Variants in AHI1 observed in about 807,000 individuals in gnomAD.
AHI1 encodes the protein jouberin.
In AHI1, 123 loss-of-function variants were observed where a neutral mutation model predicts 149.3. The observed-to-expected ratio is 0.82, with a 90% CI of 0.71 to 0.96. AHI1 has a LOEUF of 0.96. Among genes scored for constraint, AHI1 ranks in the 40% least tolerant of loss-of-function variants. The pLI is 0.00. For missense variants in AHI1, 1,439 were observed against 1,422.7 expected (o/e 1.01, Z -0.18); for synonymous variants, 475 against 459.8 (o/e 1.03, Z -0.42).
chr6:135,467,010 G>C (rs1273032012), intron 6 of AHI1, among the ~76,000 whole-genome samples: 1 of 152,098 alleles, frequency 6.6e-6, no homozygotes, highest in African/African-American at 2.4e-5. Flanking sequence ...AGTAATACAA[G>C]GAAGAGGAGG....
chr6:135,438,487 G>A lies in AHI1; in HGVS notation c.1924C>T (p.Pro642Ser), dbSNP rs1257057591. The change falls in exon 15 of 29, where the codon CCT becomes TCT. Residue 642 changes from proline to serine, a missense_variant. Transcript: ENST00000265602. ...AATTCTCTCATGAAACGTCCAGAAGGAATTTCATATACTAATGAAAATATT... is the reference window on the plus strand; with the variant it reads ...AATTCTCTCATGAAACGTCCAGAAGAAATTTCATATACTAATGAAAATATT... ...DGYPIILYEI[P>S]SGRFMRELCG... 3 of 1,543,822 alleles carry A rather than the reference G, an allele frequency of 1.9e-6. No individual in the cohort carries two copies. The highest frequency in any genetic ancestry group is 1.8e-6 in the Non-Finnish European group (2 of 1,142,138).
intron 23 of AHI1, among the ~76,000 whole-genome samples, chr6:135,363,929 G>A (rs1794412598): frequency 6.8e-6 from 1 of 147,832 alleles, no homozygotes; most frequent in Non-Finnish European, 1.5e-5. Flanking sequence ...TGGGGCGGCT[G>A]GCCGGGCGGG....
intron 24 of AHI1, among the ~76,000 whole-genome samples, chr6:135,325,746 C>A (rs1261347132): frequency 6.6e-6 from 1 of 152,138 alleles, no homozygotes; most frequent in East Asian, 1.9e-4. Context: ...TGTTCCTTAT[C>A]CTGGGTGTGG....
intron 22 of AHI1, among the ~76,000 whole-genome samples, chr6:135,400,272 T>A (rs973925168): frequency 6.6e-6 from 1 of 152,206 alleles, no homozygotes; most frequent in South Asian, 2.1e-4. Flanking sequence ...ATTAAAAAAA[T>A]ATTTTCTCTG....
At chr6:135,391,650 C>T (rs1332473461) in intron 23 of AHI1, among the ~76,000 whole-genome samples, 1 of 152,148 alleles carries the variant, frequency 6.6e-6, no homozygotes, top group African/African-American at 2.4e-5. Context: ...ACATTCATCT[C>T]ACCTTTTCCA....
intron 20 of AHI1, among the ~76,000 whole-genome samples, chr6:135,421,197 C>G (rs547014571): frequency 2.4e-4 from 36 of 152,076 alleles, no homozygotes; most frequent in Admixed American, 3.9e-4. Flanking sequence ...CACCGCAGAT[C>G]ACCATAACAG....
chr6:135,476,217 T>TGG (rs1393189928), intron 5 of AHI1, among the ~76,000 whole-genome samples: 5 of 152,160 alleles, frequency 3.3e-5, no homozygotes, highest in Non-Finnish European at 7.4e-5. Flanking sequence ...TACATTGATC[T>TGG]GGGGTCTTAT....
chr6:135,346,368 T>C lies in AHI1; in HGVS notation c.3165+11764A>G, dbSNP rs145617026. Among the ~76,000 whole-genome samples, 365 of 151,938 alleles carry C rather than the reference T, an allele frequency of 2.4e-3. 4 individuals are homozygous for C. Among genetic ancestry groups the C allele is most frequent in the African/African-American group, 8.3e-3 (342 of 41,432 alleles). On this transcript the variant is annotated intron_variant, in intron 24 of 28. Coordinates refer to ENST00000265602, the MANE Select transcript of AHI1 (RefSeq NM_001134831.2). ...CGCCACCATGCCCGGCTAATTTTTT[T>C]TATTTTTATTTTTAGTAGAGACGGG...
chr6:135,352,902 C>T (rs1210223380), intron 24 of AHI1, among the ~76,000 whole-genome samples: 1 of 150,312 alleles, frequency 6.7e-6, no homozygotes, highest in Non-Finnish European at 1.5e-5. Context: ...ATATTGTATA[C>T]CTCATGTTTC....
At chr6:135,285,695 C>G (rs1781596044) in intron 28 of AHI1, 48 bp from the exon 29 acceptor site, 1 of 1,508,646 alleles carries the variant, frequency 6.6e-7, no homozygotes, top group African/African-American at 1.4e-5. Flanking sequence ...TGAATAATGT[C>G]TTCTGACTAC....
intron 23 of AHI1, among the ~76,000 whole-genome samples, chr6:135,373,920 T>G (rs1272852820): frequency 6.6e-6 from 1 of 151,914 alleles, no homozygotes; most frequent in African/African-American, 2.4e-5. Flanking sequence ...ATGATACCTA[T>G]GCATCCTATG....
chr6:135,340,215 CA>C (rs1159007286), intron 24 of AHI1, among the ~76,000 whole-genome samples: 1 of 151,812 alleles, frequency 6.6e-6, no homozygotes, highest in African/African-American at 2.4e-5. Context: ...ACTAAAAATA[CA>C]AAAAAATTAG....
chr6:135,358,247 A>C, intron 23 of AHI1, 60 bp from the exon 24 acceptor site: 1 of 1,394,134 alleles, frequency 7.2e-7, no homozygotes, highest in Non-Finnish European at 1.0e-6. Flanking sequence ...TATGTTGAAA[A>C]TATTCATGCC....
At chr6:135,323,006 T>C (rs1787106183) in intron 25 of AHI1, among the ~76,000 whole-genome samples, 156 bp downstream of exon 25, 1 of 152,210 alleles carries the variant, frequency 6.6e-6, no homozygotes, top group South Asian at 2.1e-4. Flanking sequence ...GTGCCTCCTC[T>C]TTTTATTTTT....
intron 5 of AHI1, among the ~76,000 whole-genome samples, chr6:135,477,964 A>T (rs913673167): frequency 3.3e-5 from 5 of 149,914 alleles, no homozygotes; most frequent in Admixed American, 2.0e-4. Flanking sequence ...CACCCGGCTA[A>T]TTTTTTTTTT....
intron 9 of AHI1, 76 bp from the exon 10 acceptor site, chr6:135,456,002 G>C: frequency 1.0e-6 from 1 of 976,672 alleles, no homozygotes; most frequent in East Asian, 2.9e-5. Context: ...AGTGTACAAG[G>C]TGAGGCAACC....
chr6:135,347,350 C>T (rs72978249), intron 24 of AHI1, among the ~76,000 whole-genome samples: 1 of 152,180 alleles, frequency 6.6e-6, no homozygotes, highest in Non-Finnish European at 1.5e-5. Context: ...GCTGTTAATA[C>T]TACCTAAACT....
At chr6:135,326,830 G>A (rs1010258757) in intron 24 of AHI1, among the ~76,000 whole-genome samples, 4 of 152,108 alleles carry the variant, frequency 2.6e-5, no homozygotes, top group Non-Finnish European at 4.4e-5. Context: ...AAAGTGCTGG[G>A]ATTACAGACG....
At chr6:135,422,470 C>T (rs1176810718) in intron 20 of AHI1, among the ~76,000 whole-genome samples, 1 of 151,402 alleles carries the variant, frequency 6.6e-6, no homozygotes, top group East Asian at 1.9e-4. Context: ...TGTGCTACTG[C>T]ACTCCAGCTT....
Sources: allele counts gnomAD v4.1 joint callset (sites outside exome capture counted in the v4.1 genomes callset), GRCh38; gene constraint gnomAD v4.1.1; transcripts MANE v1.5; gene names NCBI Gene and HGNC (gene_info 2026-07-23, HGNC 2026-07-21).